The following PDE4D variants were observed in gnomAD, a reference collection of about 807,000 sequenced individuals.
PDE4D encodes phosphodiesterase 4D.
Under a neutral mutation model 87.4 loss-of-function variants are expected in PDE4D, and 24 were observed. The ratio of observed to expected loss-of-function variants is 0.27; its 90% confidence interval spans 0.20 to 0.39. The LOEUF (loss-of-function observed/expected upper bound fraction) is 0.39, where lower values mean the gene tolerates loss of function less well. Ranked by LOEUF, PDE4D falls within the 10% of genes least tolerant of loss-of-function variation. The pLI, the probability that PDE4D is intolerant of heterozygous loss-of-function variation, is 1.00. For missense variants in PDE4D, 714 were observed against 1,041.0 expected (o/e 0.69, Z 4.32); for synonymous variants, 384 against 383.2 (o/e 1.00, Z -0.02).
intron 1 of PDE4D, among the ~76,000 whole-genome samples, chr5:59,296,452 T>G (rs572140250): frequency 2.0e-5 from 3 of 152,212 alleles, no homozygotes; most frequent in Non-Finnish European, 4.4e-5. Context: ...CTTTAGCTAA[T>G]GATTAACTAA....
intron 1 of PDE4D, among the ~76,000 whole-genome samples, chr5:60,444,666 A>G (rs1444172442): frequency 6.6e-6 from 1 of 152,032 alleles, no homozygotes; most frequent in East Asian, 1.9e-4. Context: ...ACATGTAAAA[A>G]GGCACTGGGG....
rs1401238849 is a variant in PDE4D at position 58,989,863 on chromosome 5, A to G, written c.1344T>C (p.Leu448=). The change falls in exon 10 of 15, where the codon CTT becomes CTC. Residue 448 remains leucine, a synonymous_variant. Coordinates refer to ENST00000340635, the MANE Select transcript of PDE4D (RefSeq NM_001104631.2). ...KIPVDTLITY[L]MTLEDHYHAD... is the part of the protein sequence containing the mutation. ...CATGGTAATGGTCTTCGAGAGTCATAAGATATGTAATTAAAGTATCTACTG... is the reference window on the plus strand; with the variant it reads ...CATGGTAATGGTCTTCGAGAGTCATGAGATATGTAATTAAAGTATCTACTG... 3 of 1,565,976 alleles carry G rather than the reference A, an allele frequency of 1.9e-6. No homozygotes were observed.
At chr5:59,468,442 A>T (rs1293984744) in intron 1 of PDE4D, among the ~76,000 whole-genome samples, 2 of 152,212 alleles carry the variant, frequency 1.3e-5, no homozygotes, top group Non-Finnish European at 1.5e-5. Context: ...TTACCTAAAA[A>T]ACAAAACACA....
intron 1 of PDE4D, chr5:59,560,818 G>C (rs1819849617): frequency 6.6e-6 from 1 of 152,270 alleles, no homozygotes; most frequent in South Asian, 2.1e-4. Context: ...ATGGCAAACA[G>C]AGAGAGGATA....
chr5:59,139,634 T>A (rs1430870192), intron 5 of PDE4D, among the ~76,000 whole-genome samples: 3 of 142,090 alleles, frequency 2.1e-5, no homozygotes, highest in Admixed American at 6.7e-5. Context: ...CATGCCAATT[T>A]TTTTATTTTT....
intron 1 of PDE4D, among the ~76,000 whole-genome samples, chr5:59,731,819 C>A (rs1757398526): frequency 6.6e-6 from 1 of 152,028 alleles, no homozygotes. Flanking sequence ...TTAGAAAATG[C>A]AAAAAAGCAG....
At chr5:60,349,054 A>T (rs1369199083) in intron 1 of PDE4D, among the ~76,000 whole-genome samples, 1 of 152,194 alleles carries the variant, frequency 6.6e-6, no homozygotes, top group African/African-American at 2.4e-5. Context: ...TTTGGAATCA[A>T]ATAGGTAAAA....
intron 1 of PDE4D, among the ~76,000 whole-genome samples, chr5:59,759,985 C>A (rs748518164): frequency 6.6e-6 from 1 of 152,174 alleles, no homozygotes; most frequent in Non-Finnish European, 1.5e-5. Context: ...AGAGAAATCA[C>A]TAAATAATGG....
intron 1 of PDE4D, among the ~76,000 whole-genome samples, chr5:60,357,716 C>G (rs1232173803): frequency 3.3e-5 from 5 of 152,094 alleles, no homozygotes; most frequent in Non-Finnish European, 7.4e-5. Flanking sequence ...ATATTATTCT[C>G]CTCATAAGTG....
At chr5:59,375,036 T>C (rs1784492449) in intron 1 of PDE4D, among the ~76,000 whole-genome samples, 1 of 152,200 alleles carries the variant, frequency 6.6e-6, no homozygotes, top group Non-Finnish European at 1.5e-5. Flanking sequence ...GCTAAGGCAG[T>C]GTTAGGACAG....
At chr5:59,606,008 T>C (rs1337711793) in intron 1 of PDE4D, among the ~76,000 whole-genome samples, 1 of 152,070 alleles carries the variant, frequency 6.6e-6, no homozygotes, top group East Asian at 1.9e-4. Flanking sequence ...GGGAGAACTA[T>C]ACTAAATAAG....
chr5:59,967,467 G>A (rs562318338), intron 3 of PDE4D, among the ~76,000 whole-genome samples: 1 of 152,234 alleles, frequency 6.6e-6, no homozygotes, highest in South Asian at 2.1e-4. Context: ...TTCATGAACA[G>A]AAGACATACA....
intron 5 of PDE4D, among the ~76,000 whole-genome samples, chr5:59,167,730 A>G (rs1254245001): frequency 6.6e-6 from 1 of 152,012 alleles, no homozygotes; most frequent in East Asian, 1.9e-4. Flanking sequence ...TTTTCTATTA[A>G]CTTAATGCTT....
chr5:59,704,244 T>C (rs1157911282), intron 1 of PDE4D, among the ~76,000 whole-genome samples: 1 of 152,114 alleles, frequency 6.6e-6, no homozygotes, highest in Non-Finnish European at 1.5e-5. Flanking sequence ...AACACAAATA[T>C]CCTACTTTAT....
chr5:59,601,969 A>G (rs533842776), intron 1 of PDE4D, among the ~76,000 whole-genome samples: 3 of 152,198 alleles, frequency 2.0e-5, no homozygotes, highest in African/African-American at 7.2e-5. Flanking sequence ...GGACACTACA[A>G]AAAAAGAAAA....
chr5:59,473,153 T>TA (rs1310414767), intron 1 of PDE4D, among the ~76,000 whole-genome samples: 1 of 145,638 alleles, frequency 6.9e-6, no homozygotes, highest in Non-Finnish European at 1.5e-5. Flanking sequence ...TAGAATACAA[T>TA]ACATACTGAA....
chr5:60,287,127 C>T (rs904657053), intron 1 of PDE4D, among the ~76,000 whole-genome samples: 2 of 152,210 alleles, frequency 1.3e-5, no homozygotes, highest in Admixed American at 6.5e-5. Flanking sequence ...TTAATCCTTA[C>T]TGTGTGTCCA....
At chr5:59,996,050 T>C (rs1212740908) in intron 2 of PDE4D, among the ~76,000 whole-genome samples, 1 of 152,334 alleles carries the variant, frequency 6.6e-6, no homozygotes, top group Non-Finnish European at 1.5e-5. Flanking sequence ...CTATAAAAAT[T>C]CCAAAACTTC....
At chr5:60,113,393 G>A (rs1172971494) in intron 2 of PDE4D, among the ~76,000 whole-genome samples, 5 of 152,122 alleles carry the variant, frequency 3.3e-5, no homozygotes, top group Non-Finnish European at 4.4e-5. Flanking sequence ...TTACCCTCAA[G>A]AAGCTTTTAA....
Sources: gnomAD v4.1 joint callset for allele counts (sites outside exome capture counted in the v4.1 genomes callset) on GRCh38, gnomAD v4.1.1 for gene constraint, MANE v1.5 for transcripts, NCBI Gene and HGNC (gene_info 2026-07-23, HGNC 2026-07-21) for gene names.